ESF1: variants seen among roughly 807,000 people sequenced by gnomAD.
The protein encoded by ESF1 is ESF1 nucleolar pre-rRNA processing protein.
ESF1 carries 58 observed loss-of-function variants against 92.0 expected under a neutral mutation model. That is an observed-to-expected ratio of 0.63 (90% CI 0.51 to 0.78). The LOEUF is 0.78. ESF1 is among the 30% of genes least tolerant of loss of function. The pLI is 0.00. For synonymous variants in ESF1, 321 were observed against 313.7 expected, an observed-to-expected ratio of 1.02 and a Z score of -0.24; for missense variants, 922 against 989.1, an observed-to-expected ratio of 0.93 and a Z score of 0.91.
At chr20:13,760,909 G>C (rs1345816965) in intron 8 of ESF1, among the ~76,000 whole-genome samples, 1 of 152,268 alleles carries the variant, frequency 6.6e-6, no homozygotes, top group Non-Finnish European at 1.5e-5. Context: ...AATGGGCCAT[G>C]ATGACAATGG....
intron 2 of ESF1, among the ~76,000 whole-genome samples, chr20:13,777,636 T>A (rs1271198972): frequency 6.6e-6 from 1 of 152,220 alleles, no homozygotes. Flanking sequence ...TCAACTGTCA[T>A]GATTAGCAAT....
intron 9 of ESF1, among the ~76,000 whole-genome samples, chr20:13,758,124 TA>T (rs1239380024): frequency 1.3e-5 from 2 of 152,214 alleles, no homozygotes; most frequent in Non-Finnish European, 2.9e-5. Context: ...ACAATTCTAA[TA>T]ATATAGAGAA....
chr20:13,772,333 G>A (rs191518462), intron 5 of ESF1, among the ~76,000 whole-genome samples, 182 bp downstream of exon 5: 158 of 152,064 alleles, frequency 1.0e-3, no homozygotes, highest in Non-Finnish European at 4.9e-4. Context: ...AAATATACAC[G>A]AACAAAAATC....
chr20:13,770,996 G>T (rs1979657375), intron 6 of ESF1, among the ~76,000 whole-genome samples: 1 of 152,132 alleles, frequency 6.6e-6, no homozygotes, highest in African/African-American at 2.4e-5. Flanking sequence ...AAATTCCTCT[G>T]CCCCTTCCTC....
chr20:13,784,862 C>A lies in ESF1; in HGVS notation c.-44+18G>T, dbSNP rs1980608333. On this transcript the variant is annotated intron_variant, in intron 1 of 13. Transcript: ENST00000617257. ...CCCTTCATCTCGAGCTCTTCAACTC[C>A]AGTCCATCCCCACTCACCGTCCGCA... 1.7e-6 allele frequency: 1 copy of A among 598,526 alleles called. No homozygotes were observed. The highest frequency in any genetic ancestry group is 2.8e-5 in the East Asian group (1 of 35,896). The allele number at this position is 598,526 out of a possible 1,614,324, so 37.1% of individuals were successfully genotyped here. A position where few individuals can be genotyped will look rare whatever the true frequency, so the allele number is the denominator to read the frequency against.
At chr20:13,784,560 C>A (rs890642553) in intron 1 of ESF1, among the ~76,000 whole-genome samples, 7 of 152,126 alleles carry the variant, frequency 4.6e-5, no homozygotes, top group Non-Finnish European at 1.5e-5. Flanking sequence ...TCCCGACACG[C>A]GCCCGCATCC....
chr20:13,725,200 C>T (rs930852771), intron 11 of ESF1, among the ~76,000 whole-genome samples: 1 of 152,230 alleles, frequency 6.6e-6, no homozygotes, highest in Non-Finnish European at 1.5e-5. Context: ...AATGAACAAA[C>T]AGTATAAATC....
chr20:13,716,096 AC>A lies in ESF1; in HGVS notation c.2263-930del, dbSNP rs1443523091. 2.8e-4 allele frequency among the ~76,000 whole-genome samples: 43 copies of A among 152,310 alleles called. No individual in the cohort carries two copies. In the Middle Eastern group the frequency reaches 0.01, roughly 36 times the overall value. ...TAGCCCCCAAATCCTTCTATATGCTACTTAGAAGCCATCTGTATGCTACCCT... is the reference window on the plus strand; with the variant it reads ...TAGCCCCCAAATCCTTCTATATGCTATTAGAAGCCATCTGTATGCTACCCT... On this transcript the variant is annotated intron_variant, in intron 13 of 13. Coordinates refer to ENST00000617257, the MANE Select transcript of ESF1 (RefSeq NM_001276380.2).
intron 9 of ESF1, among the ~76,000 whole-genome samples, chr20:13,751,354 A>T (rs1978625430): frequency 6.6e-6 from 1 of 152,254 alleles, no homozygotes; most frequent in Non-Finnish European, 1.5e-5. Flanking sequence ...GGAAAACAAT[A>T]CATGTGACAA....
chr20:13,756,471 T>C (rs1427185570), intron 9 of ESF1, among the ~76,000 whole-genome samples: 1 of 152,224 alleles, frequency 6.6e-6, no homozygotes, highest in African/African-American at 2.4e-5. Flanking sequence ...TATTATAAGC[T>C]GGTACAACAC....
chr20:13,783,313 G>T, intron 1 of ESF1, 130 bp from the exon 2 acceptor site: 1 of 753,256 alleles, frequency 1.3e-6, no homozygotes, highest in African/African-American at 1.8e-5. Flanking sequence ...GAGGTAACAA[G>T]TCTAATTTCA....
intron 13 of ESF1, 97 bp downstream of exon 13, chr20:13,717,271 T>C: frequency 6.8e-7 from 1 of 1,469,864 alleles, no homozygotes; most frequent in Non-Finnish European, 9.3e-7. Flanking sequence ...CTAAGACATT[T>C]TCAAGGGTAA....
At position 13,758,606 on chromosome 20, in the gene ESF1, A is replaced by T. The variant is rs1320121209; in HGVS notation, c.1828+1086T>A. ...CCAATACAAAAGCACGCTACTTATA[A>T]AAATGGAATTGGTAACAGAACACCT... On this transcript the variant is annotated intron_variant, in intron 9 of 13. Transcript: ENST00000617257. Among the ~76,000 whole-genome samples, 4 of 152,246 alleles carry T rather than the reference A, an allele frequency of 2.6e-5. No individual in the cohort carries two copies. In the East Asian group the frequency reaches 7.7e-4, roughly 29 times the overall value.
chr20:13,731,358 C>T (rs368808167), intron 10 of ESF1, among the ~76,000 whole-genome samples: 8 of 151,886 alleles, frequency 5.3e-5, no homozygotes, highest in Non-Finnish European at 7.4e-5. Flanking sequence ...GGTGAAACCC[C>T]GCCTCTACTA....
intron 1 of ESF1, 36 bp downstream of exon 1, chr20:13,784,844 T>A: frequency 1.7e-6 from 1 of 587,318 alleles, no homozygotes; most frequent in Non-Finnish European, 3.0e-6. Flanking sequence ...AAGCCCTTCA[T>A]CTCGAGCTCT....
Position 13,752,525 on chromosome 20 carries a change from C to T in ESF1, c.1828+7167G>A, listed in dbSNP as rs562903835. 6.6e-5 allele frequency among the ~76,000 whole-genome samples: 10 copies of T among 152,272 alleles called. No individual in the cohort carries two copies. The South Asian group carries it at 2.1e-3, about 32-fold the overall frequency. ...TTCTGAATATATTTCAAATAATGAG[C>T]ACATTGGCAATAAATGAAAATGGAG... On this transcript the variant is annotated intron_variant, in intron 9 of 13. Coordinates refer to ENST00000617257, the MANE Select transcript of ESF1 (RefSeq NM_001276380.2).
At position 13,728,380 on chromosome 20, in the gene ESF1, ATTTG is replaced by A. The variant is rs1311226762; in HGVS notation, c.2032_2035del (p.Gln678Ter). 2 of 1,610,428 alleles carry A rather than the reference ATTTG, an allele frequency of 1.2e-6. No individual in the cohort carries two copies. Among genetic ancestry groups the A allele is most frequent in the African/African-American group, 1.3e-5 (1 of 74,748 alleles). On this transcript the variant is annotated frameshift_variant, in exon 11 of 14. Coordinates refer to ENST00000617257, the MANE Select transcript of ESF1 (RefSeq NM_001276380.2). LOFTEE classifies it high-confidence loss of function. ...ACTACAGATATGAGCTGGCTTACCT[ATTTG>A]TTTAACTTCTTCAGCAAAGTATGGG...
At position 13,782,660 on chromosome 20, in the gene ESF1, A is replaced by G; in HGVS notation, c.481T>C (p.Phe161Leu). Residue 161 changes from phenylalanine to leucine, a missense_variant, in exon 2 of 14, where the codon TTT (phenylalanine) becomes CTT (leucine). Coordinates refer to ENST00000617257, the MANE Select transcript of ESF1 (RefSeq NM_001276380.2). ...NISPKKDSKE[F>L]TQKNKKEKKN... Reference sequence around the variant, plus strand: ...TTCTCTTTCTTATTTTTTTGTGTAAATTCTTTGCTATCCTTCTTCGGACTT... The same window carrying G: ...TTCTCTTTCTTATTTTTTTGTGTAAGTTCTTTGCTATCCTTCTTCGGACTT... 1 of 1,604,614 alleles carries G rather than the reference A, an allele frequency of 6.2e-7. No individual in the cohort carries two copies. Among genetic ancestry groups the G allele is most frequent in the Non-Finnish European group, 8.5e-7 (1 of 1,177,230 alleles).
intron 9 of ESF1, among the ~76,000 whole-genome samples, chr20:13,736,951 T>C (rs1314177820): frequency 6.6e-6 from 1 of 152,164 alleles, no homozygotes; most frequent in African/African-American, 2.4e-5. Context: ...TAAAAAATGC[T>C]TTGTTCTTGT....
Sources: allele counts gnomAD v4.1 joint callset (sites outside exome capture counted in the v4.1 genomes callset), GRCh38; gene constraint gnomAD v4.1.1; transcripts MANE v1.5; gene names NCBI Gene and HGNC (gene_info 2026-07-23, HGNC 2026-07-21).